The following ABTB3 variants were observed in gnomAD, a reference collection of about 807,000 sequenced individuals.
The protein encoded by ABTB3 is ankyrin repeat and BTB domain containing 3, also known as ankyrin repeat- and BTB/POZ domain-containing protein 3.
At chr12:107,398,694 T>C in the ABTB3 span, among the ~76,000 whole-genome samples, 3 of 151,650 alleles carry the variant, frequency 2.0e-5, no homozygotes, top group African/African-American at 4.8e-5. Flanking sequence ...CCTGCTAAAC[T>C]GGGGCTGGGG....
chr12:107,458,391 T>C, the ABTB3 span, among the ~76,000 whole-genome samples: 1 of 152,186 alleles, frequency 6.6e-6, no homozygotes, highest in Non-Finnish European at 1.5e-5. Flanking sequence ...CCAAGGTCCA[T>C]GCCTCTGGGT....
chr12:107,366,165 G>C, the ABTB3 span, among the ~76,000 whole-genome samples: 2 of 152,126 alleles, frequency 1.3e-5, no homozygotes, highest in African/African-American at 4.8e-5. Flanking sequence ...TTTGCTTTGT[G>C]CCTCTTTGAA....
the ABTB3 span, among the ~76,000 whole-genome samples, chr12:107,572,962 G>A: frequency 2.1e-4 from 32 of 152,294 alleles, no homozygotes; most frequent in East Asian, 2.5e-3. Flanking sequence ...AGTCACGTGC[G>A]TCTGGGCACT....
the ABTB3 span, among the ~76,000 whole-genome samples, chr12:107,486,982 C>T: frequency 6.6e-6 from 1 of 152,154 alleles, no homozygotes; most frequent in Non-Finnish European, 1.5e-5. Context: ...AGTCCATTCA[C>T]CATTTGGCTG....
chr12:107,621,831 G>C, the ABTB3 span, among the ~76,000 whole-genome samples: 1 of 152,208 alleles, frequency 6.6e-6, no homozygotes, highest in Non-Finnish European at 1.5e-5. Context: ...CATTAGATAG[G>C]AAATAGTTCT....
At chr12:107,630,431 A>C in the ABTB3 span, among the ~76,000 whole-genome samples, 1 of 152,056 alleles carries the variant, frequency 6.6e-6, no homozygotes, top group Non-Finnish European at 1.5e-5. Flanking sequence ...TCTCTTCTGA[A>C]CTTCTACTGC....
chr12:107,604,037 C>G, the ABTB3 span, among the ~76,000 whole-genome samples: 1 of 151,958 alleles, frequency 6.6e-6, no homozygotes, highest in Non-Finnish European at 1.5e-5. Context: ...GGTGTGGTGG[C>G]GGGCACCTGT....
the ABTB3 span, among the ~76,000 whole-genome samples, chr12:107,596,761 C>T: frequency 1.2e-4 from 18 of 152,178 alleles, no homozygotes; most frequent in Non-Finnish European, 1.8e-4. Flanking sequence ...TCCCTCCCTA[C>T]TCTCCTTACC....
chr12:107,385,744 A>AC, the ABTB3 span, among the ~76,000 whole-genome samples: 73 of 151,770 alleles, frequency 4.8e-4, 2 homozygotes, highest in South Asian at 7.7e-3. Context: ...AGCTACGTGC[A>AC]CCCCCCCAAG....
At chr12:107,326,654 A>G in the ABTB3 span, among the ~76,000 whole-genome samples, 5 of 152,294 alleles carry the variant, frequency 3.3e-5, no homozygotes, top group Non-Finnish European at 7.3e-5. Flanking sequence ...AGAGTCATGG[A>G]TAGTCCTATC....
chr12:107,629,944 G>A, the ABTB3 span, among the ~76,000 whole-genome samples: 1 of 151,988 alleles, frequency 6.6e-6, no homozygotes, highest in Non-Finnish European at 1.5e-5. Flanking sequence ...CACCTGATAC[G>A]AATGACACCA....
chr12:107,429,891 C>T, the ABTB3 span, among the ~76,000 whole-genome samples: 2 of 152,214 alleles, frequency 1.3e-5, no homozygotes, highest in Admixed American at 6.5e-5. Context: ...TTGAGACAGA[C>T]TTTGCAGCCT....
chr12:107,627,075 A>G, the ABTB3 span, among the ~76,000 whole-genome samples: 1 of 152,238 alleles, frequency 6.6e-6, no homozygotes, highest in Non-Finnish European at 1.5e-5. Flanking sequence ...CAGTCAAACC[A>G]TCTAAGAGAG....
the ABTB3 span, among the ~76,000 whole-genome samples, chr12:107,341,170 T>A: frequency 1.3e-5 from 2 of 152,190 alleles, no homozygotes; most frequent in African/African-American, 4.8e-5. Context: ...CACACCAAGC[T>A]GCAGGTGCAG....
At chr12:107,544,151 C>T in the ABTB3 span, 1 of 1,611,900 alleles carries the variant, frequency 6.2e-7, no homozygotes, top group East Asian at 2.2e-5. Flanking sequence ...TAAGAACTGC[C>T]TTGCCTTGCC....
chr12:107,414,243 A>G, the ABTB3 span, among the ~76,000 whole-genome samples: 2 of 152,164 alleles, frequency 1.3e-5, no homozygotes, highest in South Asian at 2.1e-4. Context: ...AACAGCATCA[A>G]TTGTATTATC....
the ABTB3 span, chr12:107,581,266 G>T: frequency 2.0e-6 from 3 of 1,506,072 alleles, no homozygotes; most frequent in Admixed American, 6.3e-5. Context: ...CGGCCCGGCT[G>T]CTGCTGCCCG....
At chr12:107,646,381 T>A in the ABTB3 span, among the ~76,000 whole-genome samples, 784 of 152,346 alleles carry the variant, frequency 5.1e-3, 5 homozygotes, top group South Asian at 0.028. Flanking sequence ...GGAGACCACG[T>A]GCTAGAGAAA....
At chr12:107,436,311 C>G in the ABTB3 span, among the ~76,000 whole-genome samples, 1 of 152,234 alleles carries the variant, frequency 6.6e-6, no homozygotes, top group Admixed American at 6.5e-5. Flanking sequence ...TGACCGGTCT[C>G]TGTGTTCCTT....
Sources: gnomAD v4.1 joint callset for allele counts (sites outside exome capture counted in the v4.1 genomes callset) on GRCh38, gnomAD v4.1.1 for gene constraint, MANE v1.5 for transcripts, NCBI Gene and HGNC (gene_info 2026-07-23, HGNC 2026-07-21) for gene names.